GRB10: variants seen among roughly 807,000 people sequenced by gnomAD.
GRB10 encodes growth factor receptor-bound protein 10.
A neutral mutation model predicts 80.9 loss-of-function variants in GRB10; 20 were observed. The ratio of observed to expected loss-of-function variants is 0.25; its 90% CI spans 0.17 to 0.36. The LOEUF (loss-of-function observed/expected upper bound fraction) is 0.36, where lower values mean the gene tolerates loss of function less well. GRB10 is among the 10% of genes least tolerant of loss of function. GRB10 has a pLI of 1.00. For missense variants in GRB10, 548 were observed against 747.7 expected (o/e 0.73, Z 3.12); for synonymous variants, 291 against 291.5 (o/e 1.00, Z 0.02).
chr7:50,750,940 C>T (rs1206288059), intron 3 of GRB10, among the ~76,000 whole-genome samples: 1 of 152,202 alleles, frequency 6.6e-6, no homozygotes, highest in Non-Finnish European at 1.5e-5. Flanking sequence ...TCATCTCTAC[C>T]CACCTAGGAC....
At chr7:50,751,777 G>A (rs1227595181) in intron 3 of GRB10, among the ~76,000 whole-genome samples, 1 of 152,202 alleles carries the variant, frequency 6.6e-6, no homozygotes, top group Non-Finnish European at 1.5e-5. Context: ...GGATAGCAAG[G>A]AATTTGGTGA....
At position 50,712,190 on chromosome 7, in the gene GRB10, T is replaced by G. The variant is rs79092562; in HGVS notation, c.52-8282A>C. Among the ~76,000 whole-genome samples the G allele has an allele frequency of 1.2e-3, 188 of 152,298 alleles. 4 individuals are homozygous for G. The East Asian group carries it at 0.028, about 22-fold the overall frequency. ...TTGCAAGGTGTACAAAACTAGTCCC[T>G]CAAATGGAAATAACCTTCATAATAA... On this transcript the variant is annotated intron_variant, in intron 4 of 18. Coordinates refer to ENST00000401949, the MANE Select transcript of GRB10 (RefSeq NM_001350814.2).
chr7:50,642,430 T>A (rs924718531), intron 7 of GRB10, among the ~76,000 whole-genome samples: 2 of 151,972 alleles, frequency 1.3e-5, no homozygotes, highest in African/African-American at 4.8e-5. Flanking sequence ...CACAAACACA[T>A]ACACACATGC....
At chr7:50,793,219 C>G (rs537183425) in intron 1 of GRB10, 2 of 145,900 alleles carry the variant, frequency 1.4e-5, no homozygotes, top group African/African-American at 2.5e-5. Flanking sequence ...CGCCCAACTC[C>G]GTACCTGCCG....
intron 3 of GRB10, among the ~76,000 whole-genome samples, chr7:50,733,633 C>G (rs962508): frequency 0.91 from 138,495 of 152,280 alleles, 63,124 homozygotes; most frequent in African/African-American, 0.97. Context: ...CCAACCTACT[C>G]AGTGAGAACT....
intron 4 of GRB10, among the ~76,000 whole-genome samples, chr7:50,709,504 C>T (rs1476801342): frequency 1.3e-5 from 2 of 152,170 alleles, no homozygotes; most frequent in Non-Finnish European, 2.9e-5. Context: ...CCTTGCTGGC[C>T]TCAGGCTGGG....
At chr7:50,733,516 C>T (rs2070259031) in intron 3 of GRB10, among the ~76,000 whole-genome samples, 2 of 152,144 alleles carry the variant, frequency 1.3e-5, no homozygotes, top group Admixed American at 6.5e-5. Context: ...CTCAAATCAC[C>T]AAAGAACGCC....
intron 5 of GRB10, among the ~76,000 whole-genome samples, chr7:50,690,700 CAG>C (rs2062718359): frequency 6.6e-6 from 1 of 152,142 alleles, no homozygotes; most frequent in Non-Finnish European, 1.5e-5. Flanking sequence ...ATGAAAGACA[CAG>C]GGAAACTGCG....
intron 4 of GRB10, among the ~76,000 whole-genome samples, chr7:50,725,313 T>TC (rs1449801611): frequency 6.6e-6 from 1 of 152,182 alleles, no homozygotes; most frequent in African/African-American, 2.4e-5. Context: ...CTTGCCAGCT[T>TC]CCCCTTTGCT....
chr7:50,755,597 C>G (rs144444080), intron 3 of GRB10, among the ~76,000 whole-genome samples: 25 of 152,226 alleles, frequency 1.6e-4, no homozygotes, highest in African/African-American at 6.0e-4. Context: ...ACCAGTGAGG[C>G]CCAGAGGCAT....
At chr7:50,707,110 C>G (rs149960423) in intron 4 of GRB10, among the ~76,000 whole-genome samples, 178 of 152,312 alleles carry the variant, frequency 1.2e-3, no homozygotes, top group African/African-American at 4.1e-3. Context: ...TTTGGCTCAT[C>G]ATTTAACCGT....
At chr7:50,764,077 T>C (rs996564845) in intron 2 of GRB10, among the ~76,000 whole-genome samples, 1 of 152,202 alleles carries the variant, frequency 6.6e-6, no homozygotes, top group African/African-American at 2.4e-5. Flanking sequence ...TCCTCCCTCA[T>C]GGCCTTTGCA....
chr7:50,635,665 T>C (rs184258890), intron 7 of GRB10, among the ~76,000 whole-genome samples: 1 of 151,914 alleles, frequency 6.6e-6, no homozygotes, highest in Admixed American at 6.6e-5. Context: ...AAAAGAAGAT[T>C]CACATGAGCA....
chr7:50,599,972 G>A (rs763651791), intron 17 of GRB10, among the ~76,000 whole-genome samples: 2 of 152,118 alleles, frequency 1.3e-5, no homozygotes, highest in East Asian at 1.9e-4. Context: ...TCTTCGCCTC[G>A]GGATGATGGG....
At chr7:50,623,828 T>A (rs2052353400) in intron 8 of GRB10, among the ~76,000 whole-genome samples, 1 of 152,208 alleles carries the variant, frequency 6.6e-6, no homozygotes, top group Non-Finnish European at 1.5e-5. Context: ...TTTTTGGATT[T>A]TTTTTCAAAT....
At chr7:50,719,536 G>T (rs968034112) in intron 4 of GRB10, among the ~76,000 whole-genome samples, 1 of 149,366 alleles carries the variant, frequency 6.7e-6, no homozygotes, top group African/African-American at 2.5e-5. Flanking sequence ...GGTAGGGGGC[G>T]AGGGGAGGGA....
chr7:50,771,228 G>A (rs1443936256), intron 2 of GRB10, among the ~76,000 whole-genome samples: 1 of 152,150 alleles, frequency 6.6e-6, no homozygotes, highest in Non-Finnish European at 1.5e-5. Context: ...GAAACCATGT[G>A]CTACTCAGCC....
In GRB10 at chr7:50,593,067, A is replaced by C; in HGVS notation, c.1670T>G (p.Leu557Arg). The change falls in exon 19 of 19, where the codon CTA (leucine) becomes CGA (arginine). Residue 557 changes from leucine to arginine, a missense_variant. By Grantham distance (102) the Leu-to-Arg change is moderately radical. Around this residue, in one of 4 missense-constraint regions of GRB10, gnomAD observed 32 missense variants for 66.0 expected, o/e 0.48. Transcript: ENST00000401949. ...CEDDGQTFFS[L>R]DDGNTKFSDL... is the part of the protein sequence containing the mutation. ...AGAGAATTTGGTGTTCCCGTCATCT[A>C]GGCTGAAGAACGTCTGCCCGTCGTC... is the stretch of plus-strand genomic sequence containing the variant. 6.2e-7 allele frequency: 1 copy of C among 1,614,214 alleles called. No individual in the cohort carries two copies. The highest frequency in any genetic ancestry group is 1.1e-5 in the South Asian group (1 of 91,092).
At chr7:50,707,789 C>A (rs146721251) in intron 4 of GRB10, among the ~76,000 whole-genome samples, 48 of 152,342 alleles carry the variant, frequency 3.2e-4, no homozygotes, top group South Asian at 6.2e-4. Flanking sequence ...GCCTGTCCTG[C>A]AAGGAGCCCT....
Sources: gnomAD v4.1 joint callset for allele counts (sites outside exome capture counted in the v4.1 genomes callset) on GRCh38, gnomAD v4.1.1 for gene constraint, gnomAD v4.1.1 regional missense constraint, MANE v1.5 for transcripts, NCBI Gene and HGNC (gene_info 2026-07-23, HGNC 2026-07-21) for gene names.